The following CDK5RAP2 variants were observed in gnomAD, a reference collection of about 807,000 sequenced individuals.
CDK5RAP2 encodes CDK5 regulatory subunit associated protein 2.
A neutral mutation model predicts 232.9 loss-of-function variants in CDK5RAP2; 147 were observed. The observed-to-expected ratio is 0.63, with a 90% CI of 0.55 to 0.72. The LOEUF (loss-of-function observed/expected upper bound fraction) is 0.72. Ranked by LOEUF, CDK5RAP2 falls within the 30% of genes least tolerant of loss-of-function variation. The pLI, the probability that CDK5RAP2 is intolerant of heterozygous loss-of-function variation, is 0.00. For synonymous variants in CDK5RAP2, 833 were observed against 833.7 expected, an observed-to-expected ratio of 1.00 and a Z score of 0.01; for missense variants, 2,195 against 2,231.5, an observed-to-expected ratio of 0.98 and a Z score of 0.33.
At position 120,437,635 on chromosome 9, in the gene CDK5RAP2, C is replaced by T. The variant is rs905519234; in HGVS notation, c.3723-108G>A. On this transcript the variant is annotated intron_variant, in intron 24 of 37. Coordinates refer to ENST00000349780, the MANE Select transcript of CDK5RAP2 (RefSeq NM_018249.6). ...GAGTACAATTTTTAAAAGCCTGCAG[C>T]TGTACAAGTATATATACTTTTAGAA... 6 of 808,434 alleles carry T rather than the reference C, an allele frequency of 7.4e-6. No individual in the cohort carries two copies. In the African/African-American group the frequency reaches 8.4e-5, roughly 11 times the overall value. The allele number at this position is 808,434 out of a possible 1,614,324, so 50.1% of individuals were successfully genotyped here. A position where few individuals can be genotyped will look rare whatever the true frequency, so the allele number is the denominator to read the frequency against.
intron 22 of CDK5RAP2, among the ~76,000 whole-genome samples, chr9:120,446,522 G>A (rs978155870): frequency 3.3e-5 from 5 of 152,040 alleles, no homozygotes; most frequent in Admixed American, 1.3e-4. Context: ...CACCGCACTC[G>A]GCCTGTCAAC....
At chr9:120,555,909 T>C (rs996286307) in intron 3 of CDK5RAP2, among the ~76,000 whole-genome samples, 1 of 152,204 alleles carries the variant, frequency 6.6e-6, no homozygotes, top group Non-Finnish European at 1.5e-5. Context: ...AAAGACATTA[T>C]GCTGAGGCAA....
intron 25 of CDK5RAP2, among the ~76,000 whole-genome samples, chr9:120,425,359 C>T (rs2034829398): frequency 6.6e-6 from 1 of 152,158 alleles, no homozygotes; most frequent in Non-Finnish European, 1.5e-5. Context: ...GGAAACTGCC[C>T]TCACACAGGT....
In CDK5RAP2 at chr9:120,565,801, C is replaced by G. The variant is rs143358701; in HGVS notation, c.195+2520G>C. Among the ~76,000 whole-genome samples, 6 of 152,302 alleles carry G rather than the reference C, an allele frequency of 3.9e-5. No homozygotes were observed. In the East Asian group the frequency reaches 1.2e-3, roughly 29 times the overall value. On this transcript the variant is annotated intron_variant, in intron 3 of 37. Transcript: ENST00000349780. ...TGAACCCCGAGTCATAGCCCCTCCTCTGTGGCCCCACAGCACCCTAGACTT... is the reference window on the plus strand; with the variant it reads ...TGAACCCCGAGTCATAGCCCCTCCTGTGTGGCCCCACAGCACCCTAGACTT...
chr9:120,471,720 A>C (rs1564266386), intron 16 of CDK5RAP2, 28 bp downstream of exon 16: 1 of 1,613,950 alleles, frequency 6.2e-7, no homozygotes, highest in Non-Finnish European at 8.5e-7. Flanking sequence ...GAAAAACCAA[A>C]GAGAAGCACA....
intron 4 of CDK5RAP2, 23 bp from the exon 5 acceptor site, chr9:120,545,813 A>G (rs1249611428): frequency 8.2e-6 from 13 of 1,590,634 alleles, no homozygotes; most frequent in Non-Finnish European, 1.1e-5. Context: ...ATTAAGAAAG[A>G]AAAGAAACAA....
chr9:120,572,600 T>C (rs1386631118), intron 1 of CDK5RAP2, among the ~76,000 whole-genome samples: 2 of 152,192 alleles, frequency 1.3e-5, no homozygotes, highest in African/African-American at 4.8e-5. Context: ...TTGAATTACA[T>C]AAATAAATTC....
rs1272171110 is a variant in CDK5RAP2 at position 120,443,708 on chromosome 9, G to T, written c.3060C>A (p.Ser1020Arg). ...TTTTAATTCCTTTCTGCTCTCCTGG[G>T]CTGTCCTGGTAGGCTGCTCCCACAG... ...QPPVGAAYQD[S>R]PGEQKGIKTT... Residue 1020 changes from serine (S) to arginine (R), a missense_variant, in exon 23 of 38, where the codon AGC (serine) becomes AGA (arginine). Physicochemically the swap from Ser to Arg is moderately radical, Grantham distance 110 (BLOSUM62 -1). Coordinates refer to ENST00000349780, the MANE Select transcript of CDK5RAP2 (RefSeq NM_018249.6). The T allele has an allele frequency of 6.2e-7, 1 of 1,614,002 alleles. No homozygotes were observed. Among genetic ancestry groups the T allele is most frequent in the South Asian group, 1.1e-5 (1 of 91,078 alleles).
In CDK5RAP2 at chr9:120,482,554, G is replaced by A. The variant is rs114358236; in HGVS notation, c.1626+4740C>T. Among the ~76,000 whole-genome samples, 320 of 152,200 alleles carry A rather than the reference G, an allele frequency of 2.1e-3. 1 individual carries two copies. The highest frequency in any genetic ancestry group is 5.8e-3 in the African/African-American group (241 of 41,518). ...CAGGGCACTTCACAGGATCTGCTCC[G>A]GCCAAACCTCATCAGCAAGCCCTTC... On this transcript the variant is annotated intron_variant, in intron 14 of 37. Coordinates refer to ENST00000349780, the MANE Select transcript of CDK5RAP2 (RefSeq NM_018249.6).
intron 12 of CDK5RAP2, among the ~76,000 whole-genome samples, chr9:120,508,650 C>A (rs1377233506): frequency 1.3e-5 from 2 of 152,194 alleles, no homozygotes; most frequent in East Asian, 3.9e-4. Context: ...TGGCACAGGC[C>A]TTCCTGCTAC....
chr9:120,448,035 G>A lies in CDK5RAP2; in HGVS notation c.2885C>T (p.Thr962Met), dbSNP rs141683305. 9.4e-5 allele frequency: 152 copies of A among 1,614,134 alleles called. 1 individual carries two copies. The African/African-American group carries it at 1.5e-3, about 16-fold the overall frequency. ...CTCCAAGATCTGGCTCTGCAGCTGC[G>A]TCACCACCTCCTGGGTGGCAGGGAG... is the stretch of plus-strand genomic sequence containing the variant. ...YRLPATQEVV[T>M]QLQSQILELQ... is the part of the protein sequence containing the mutation. The change falls in exon 22 of 38, where the codon ACG becomes ATG. Residue 962 changes from threonine to methionine, a missense_variant. Transcript: ENST00000349780.
At chr9:120,553,101 A>C (rs1380989791) in intron 3 of CDK5RAP2, among the ~76,000 whole-genome samples, 1 of 152,212 alleles carries the variant, frequency 6.6e-6, no homozygotes, top group African/African-American at 2.4e-5. Context: ...ACCAAGCTAG[A>C]TAATTTATAT....
chr9:120,496,736 T>TG (rs1193453866), intron 12 of CDK5RAP2, among the ~76,000 whole-genome samples: 2 of 98,974 alleles, frequency 2.0e-5, no homozygotes, highest in East Asian at 3.8e-4. Flanking sequence ...GGAGGGAGGT[T>TG]GGGGGGTCAG....
intron 29 of CDK5RAP2, 87 bp downstream of exon 29, chr9:120,411,271 G>A (rs2033828205): frequency 2.4e-6 from 2 of 818,214 alleles, no homozygotes; most frequent in South Asian, 1.3e-5. Flanking sequence ...TTCATACTTA[G>A]GTTGGTCAGA....
In CDK5RAP2 at chr9:120,536,617, ACTT is replaced by A. The variant is rs796750324; in HGVS notation, c.508-94_508-92del. Reference sequence around the variant, plus strand: ...TTGGATTAAAATATAAATATTTATGACTTCTTCTCCAGCACATTTCCCCTCCCT... The same window carrying A: ...TTGGATTAAAATATAAATATTTATGACTTCTCCAGCACATTTCCCCTCCCT... On this transcript the variant is annotated intron_variant, in intron 6 of 37. Transcript: ENST00000349780. 2.8e-5 allele frequency: 34 copies of A among 1,232,794 alleles called. No individual in the cohort carries two copies. The African/African-American group carries it at 4.5e-4, about 16-fold the overall frequency. 76.4% of individuals were successfully genotyped at this position (1,232,794 alleles called of 1,614,324 possible).
chr9:120,509,213 A>G (rs2039966503), intron 12 of CDK5RAP2, among the ~76,000 whole-genome samples: 2 of 152,238 alleles, frequency 1.3e-5, no homozygotes, highest in African/African-American at 4.8e-5. Context: ...TGATCAAGGA[A>G]GAAATTTATA....
intron 12 of CDK5RAP2, among the ~76,000 whole-genome samples, chr9:120,494,967 CCG>C (rs2039103678): frequency 7.5e-6 from 1 of 133,700 alleles, no homozygotes; most frequent in South Asian, 2.3e-4. Flanking sequence ...CCGACCGCAG[CCG>C]CCGCCGCCCG....
At chr9:120,446,856 A>G (rs2036220429) in intron 22 of CDK5RAP2, among the ~76,000 whole-genome samples, 1 of 152,114 alleles carries the variant, frequency 6.6e-6, no homozygotes, top group Admixed American at 6.5e-5. Context: ...GCTCTCTAGC[A>G]TTCATGACAT....
intron 12 of CDK5RAP2, among the ~76,000 whole-genome samples, chr9:120,503,102 C>T (rs1457994516): frequency 6.6e-6 from 1 of 152,128 alleles, no homozygotes; most frequent in Non-Finnish European, 1.5e-5. Context: ...AAATTCTGTG[C>T]TTTTTCCACC....
Sources: gnomAD v4.1 joint callset for allele counts (sites outside exome capture counted in the v4.1 genomes callset) on GRCh38, gnomAD v4.1.1 for gene constraint, MANE v1.5 for transcripts, NCBI Gene and HGNC (gene_info 2026-07-23, HGNC 2026-07-21) for gene names.